Variants in POR observed in about 807,000 individuals in gnomAD.
POR encodes cytochrome p450 oxidoreductase.
In POR, 56 loss-of-function variants were observed where a neutral mutation model predicts 84.0. The ratio of observed to expected loss-of-function variants is 0.67; its 90% CI spans 0.54 to 0.83. POR has a LOEUF of 0.83. Among genes scored for constraint, POR ranks in the 40% least tolerant of loss-of-function variants. POR has a pLI of 0.00. For synonymous variants in POR, 414 were observed against 400.5 expected, an observed-to-expected ratio of 1.03 and a Z score of -0.40; for missense variants, 938 against 944.3, an observed-to-expected ratio of 0.99 and a Z score of 0.09.
intron 2 of POR, among the ~76,000 whole-genome samples, chr7:75,954,477 C>T (rs1322646271): frequency 6.6e-6 from 1 of 152,174 alleles, no homozygotes; most frequent in Non-Finnish European, 1.5e-5. Flanking sequence ...ACGGGCCTGC[C>T]AGGGTCATTA....
At chr7:75,932,705 T>C (rs1327749298) in intron 1 of POR, among the ~76,000 whole-genome samples, 2 of 152,108 alleles carry the variant, frequency 1.3e-5, no homozygotes, top group East Asian at 1.9e-4. Context: ...AACAAAATTA[T>C]ATGTAGTATA....
intron 1 of POR, among the ~76,000 whole-genome samples, chr7:75,952,957 AG>A (rs1554553126): frequency 6.6e-6 from 1 of 152,026 alleles, no homozygotes; most frequent in East Asian, 1.9e-4. Context: ...GCTCTTTGGG[AG>A]GCCAAGGCAG....
chr7:75,980,968 G>A (rs1434102582), intron 5 of POR, 80 bp from the exon 6 acceptor site: 16 of 1,452,142 alleles, frequency 1.1e-5, no homozygotes, highest in African/African-American at 1.4e-5. Flanking sequence ...GTGCTGTGGG[G>A]CCTCCCGCCC....
At chr7:75,925,681 A>G (rs1807079022) in intron 1 of POR, among the ~76,000 whole-genome samples, 1 of 152,218 alleles carries the variant, frequency 6.6e-6, no homozygotes, top group African/African-American at 2.4e-5. Context: ...TGTGTGTGGA[A>G]AAGACCAACA....
At chr7:75,953,392 G>T (rs1787540430) in intron 1 of POR, among the ~76,000 whole-genome samples, 2 of 151,232 alleles carry the variant, frequency 1.3e-5, no homozygotes, top group African/African-American at 4.9e-5. Flanking sequence ...GCATAGGAAA[G>T]CAGGCATTCA....
In POR at chr7:75,985,833, C is replaced by G. The variant is rs782565585; in HGVS notation, c.1653C>G (p.Ala551=). ...TCATAGGCTTCATCCAGGAGCGGGC[C>G]TGGCTGCGACAGCAGGGTGAGTGGG... Residue 551 remains alanine, a synonymous_variant, in exon 13 of 16, where the codon GCC becomes GCG. Transcript: ENST00000461988. The G allele has an allele frequency of 5.2e-6, 8 of 1,550,874 alleles. No individual in the cohort carries two copies. In the South Asian group the frequency reaches 8.3e-5, roughly 16 times the overall value.
At chr7:75,978,849 T>G (rs1788833593) in intron 3 of POR, among the ~76,000 whole-genome samples, 1 of 151,380 alleles carries the variant, frequency 6.6e-6, no homozygotes, top group Non-Finnish European at 1.5e-5. Context: ...CAGGCTGGAG[T>G]GCAGTGGCGT....
intron 1 of POR, among the ~76,000 whole-genome samples, chr7:75,933,862 GTAGA>G (rs782780745): frequency 3.9e-4 from 59 of 151,652 alleles, no homozygotes; most frequent in Non-Finnish European, 6.2e-4. Context: ...GTGTGTGTGT[GTAGA>G]TATATTTTTT....
chr7:75,953,462 G>C (rs1409927102), intron 1 of POR, among the ~76,000 whole-genome samples: 2 of 151,988 alleles, frequency 1.3e-5, no homozygotes, highest in African/African-American at 4.8e-5. Context: ...GGAATACAGA[G>C]ACACTCTTGC....
rs782076318 is a variant in POR at position 75,972,461 on chromosome 7, G to A, written c.237G>A (p.Thr79=). The A allele has an allele frequency of 9.3e-6, 15 of 1,604,376 alleles. No individual in the cohort carries two copies. The highest frequency in any genetic ancestry group is 7.9e-5 in the South Asian group (7 of 88,988). ...GCTTTGTGGAAAAGATGAAGAAAAC[G>A]GTGAGTTTCCTGCATGTCTTTACTC... Residue 79 remains threonine, a splice_region_variant and synonymous_variant, in exon 3 of 16, where the codon ACG becomes ACA. Transcript: ENST00000461988.
intron 1 of POR, among the ~76,000 whole-genome samples, chr7:75,949,936 G>A (rs1554552526): frequency 6.6e-6 from 1 of 151,486 alleles, no homozygotes; most frequent in Admixed American, 6.6e-5. Flanking sequence ...TCAGCTCACT[G>A]CAAGCTCTGC....
chr7:75,952,914 C>T (rs1427511133), intron 1 of POR, among the ~76,000 whole-genome samples: 5 of 150,744 alleles, frequency 3.3e-5, no homozygotes, highest in South Asian at 2.1e-4. Flanking sequence ...ACTTCCCAGA[C>T]GGGGTGGCGG....
Position 75,953,968 on chromosome 7 carries a change from G to C in POR, c.-4-21G>C, listed in dbSNP as rs1286654702. ...ACCCTGCTACCCTCTGCTGACATCT[G>C]CTGTTTCTGTCTCCTAACAGTTTCA... On this transcript the variant is annotated intron_variant, in intron 1 of 15. Transcript: ENST00000461988. 5.8e-6 allele frequency: 9 copies of C among 1,545,066 alleles called. No homozygotes were observed. The African/African-American group carries it at 8.2e-5, about 14-fold the overall frequency.
chr7:75,919,184 C>A (rs1585080414), intron 1 of POR, among the ~76,000 whole-genome samples: 1 of 151,960 alleles, frequency 6.6e-6, no homozygotes, highest in East Asian at 1.9e-4. Flanking sequence ...TTTTCTTGTA[C>A]TGAATATTCT....
rs1279705268 is a variant in POR, at chr7:75,983,974, T to C, written c.1066+118T>C. On this transcript the variant is annotated intron_variant, in intron 10 of 15. Coordinates refer to ENST00000461988, the MANE Select transcript of POR (RefSeq NM_000941.3). ...GAAGCCCCGGTGCCTGGGAGGCCCTTGCACCGAGACTCCACGGTTACAGGA... is the reference window on the plus strand; with the variant it reads ...GAAGCCCCGGTGCCTGGGAGGCCCTCGCACCGAGACTCCACGGTTACAGGA... The C allele has an allele frequency of 4.0e-6, 3 of 750,240 alleles. No individual in the cohort carries two copies. The African/African-American group carries it at 5.4e-5, about 14-fold the overall frequency. 46.5% of individuals were successfully genotyped at this position (750,240 alleles called of 1,614,324 possible).
At position 75,980,222 on chromosome 7, in the gene POR, A is replaced by AC; in HGVS notation, c.367-117_367-116insC. ...ACTTCTCTCTGATCCCACGACACTC[A>AC]GACATCCCTGGCCTGGTGCCACCCT... On this transcript the variant is annotated intron_variant, in intron 4 of 15. Transcript: ENST00000461988. 3.2e-6 allele frequency: 4 copies of AC among 1,237,470 alleles called. No homozygotes were observed. The South Asian group carries it at 6.0e-5, about 19-fold the overall frequency. The allele number at this position is 1,237,470 out of a possible 1,614,324, so 76.7% of individuals were successfully genotyped here.
intron 4 of POR, 150 bp from the exon 5 acceptor site, chr7:75,980,189 G>C: frequency 1.1e-6 from 1 of 919,476 alleles, no homozygotes. Context: ...CAGCCCCTCC[G>C]TGTTGTTACT....
At chr7:75,924,935 C>A (rs1044462291) in intron 1 of POR, among the ~76,000 whole-genome samples, 1 of 152,100 alleles carries the variant, frequency 6.6e-6, no homozygotes, top group African/African-American at 2.4e-5. Flanking sequence ...AGGTTTTGAA[C>A]CAAGGTCTGT....
rs148245176 is a variant in POR at position 75,939,490 on chromosome 7, T to G, written c.-4-14499T>G. Among the ~76,000 whole-genome samples, 1,001 of 150,852 alleles carry G rather than the reference T, an allele frequency of 6.6e-3. 8 individuals carry two copies. The highest frequency in any genetic ancestry group is 0.02 in the African/African-American group (834 of 40,984). On this transcript the variant is annotated intron_variant, in intron 1 of 15. Transcript: ENST00000461988. ...CAACTCAGAGTTTCTGGAATGGATT[T>G]CACAAAGTCTGTGAATAAGAAGGCC...
Sources: gnomAD v4.1 joint callset for allele counts (sites outside exome capture counted in the v4.1 genomes callset) on GRCh38, gnomAD v4.1.1 for gene constraint, MANE v1.5 for transcripts, NCBI Gene and HGNC (gene_info 2026-07-23, HGNC 2026-07-21) for gene names.